The following STX18 variants were observed in gnomAD, a reference collection of about 807,000 sequenced individuals.
The protein encoded by STX18 is syntaxin-18.
Under a neutral mutation model 50.1 loss-of-function variants are expected in STX18, and 40 were observed. The ratio of observed to expected loss-of-function variants is 0.80; its 90% CI spans 0.62 to 1.04. STX18 has a LOEUF of 1.04. STX18 is among the 50% of genes least tolerant of loss of function. The pLI is 0.00. For missense variants in STX18, 410 were observed against 415.8 expected, an observed-to-expected ratio of 0.99 and a Z score of 0.12; for synonymous variants, 158 against 151.8, an observed-to-expected ratio of 1.04 and a Z score of -0.30.
At chr4:4,421,946 C>A (rs954087695) in intron 9 of STX18, among the ~76,000 whole-genome samples, 1 of 152,098 alleles carries the variant, frequency 6.6e-6, no homozygotes, top group African/African-American at 2.4e-5. Flanking sequence ...CGGTGCTAGA[C>A]GTCCTTACAA....
At chr4:4,460,385 C>T (rs952415585) in intron 2 of STX18, among the ~76,000 whole-genome samples, 3 of 152,098 alleles carry the variant, frequency 2.0e-5, no homozygotes, top group Non-Finnish European at 4.4e-5. Flanking sequence ...CCTCCTAAAC[C>T]GATTTTTCCC....
At position 4,506,887 on chromosome 4, in the gene STX18, T is replaced by C. The variant is rs368867173; in HGVS notation, c.168+34910A>G. Among the ~76,000 whole-genome samples, 339 of 152,342 alleles carry C rather than the reference T, an allele frequency of 2.2e-3. 2 individuals are homozygous for C. The Middle Eastern group carries it at 0.031, about 14-fold the overall frequency. On this transcript the variant is annotated intron_variant, in intron 1 of 10. Coordinates refer to ENST00000306200, the MANE Select transcript of STX18 (RefSeq NM_016930.4). ...GAGAGGATAAAATTCGAACCACAGT[T>C]GACCATGAGTAACTGAAACTGGAAA...
At chr4:4,500,862 C>T (rs1317175929) in intron 1 of STX18, among the ~76,000 whole-genome samples, 1 of 152,056 alleles carries the variant, frequency 6.6e-6, no homozygotes, top group Non-Finnish European at 1.5e-5. Context: ...ATGGTGAAAC[C>T]CTGTCTCTAC....
At chr4:4,518,467 C>T (rs1560206337) in intron 1 of STX18, among the ~76,000 whole-genome samples, 1 of 152,120 alleles carries the variant, frequency 6.6e-6, no homozygotes, top group Admixed American at 6.5e-5. Context: ...TGCAACAAGC[C>T]AATCTAAATG....
At chr4:4,429,521 C>T (rs900210341) in intron 7 of STX18, among the ~76,000 whole-genome samples, 6 of 152,148 alleles carry the variant, frequency 3.9e-5, no homozygotes, top group African/African-American at 1.4e-4. Flanking sequence ...GGGGACCATC[C>T]CAGAAAGCCC....
chr4:4,503,448 G>A (rs986928270), intron 1 of STX18, among the ~76,000 whole-genome samples: 1 of 152,062 alleles, frequency 6.6e-6, no homozygotes, highest in African/African-American at 2.4e-5. Context: ...ACTCAACACA[G>A]AACTCAACAT....
At chr4:4,475,006 T>C (rs1470767439) in intron 1 of STX18, among the ~76,000 whole-genome samples, 1 of 152,212 alleles carries the variant, frequency 6.6e-6, no homozygotes, top group Non-Finnish European at 1.5e-5. Flanking sequence ...CATAAAGTTT[T>C]CCATACAAAG....
intron 5 of STX18, among the ~76,000 whole-genome samples, chr4:4,453,442 CATT>C (rs1157361429): frequency 6.6e-6 from 1 of 152,302 alleles, no homozygotes; most frequent in East Asian, 1.9e-4. Context: ...CTCAGACAAA[CATT>C]AGCACTTTCA....
At chr4:4,427,712 T>G (rs1725321453) in intron 7 of STX18, among the ~76,000 whole-genome samples, 1 of 152,246 alleles carries the variant, frequency 6.6e-6, no homozygotes, top group Non-Finnish European at 1.5e-5. Flanking sequence ...CCTCCCCAAT[T>G]TGAGGGCCTG....
In STX18 at chr4:4,439,774, CCT is replaced by C. The variant is rs1259750851; in HGVS notation, c.498-1267_498-1266del. On this transcript the variant is annotated intron_variant, in intron 5 of 10. Transcript: ENST00000306200. ...CTGAGTCCTCTGCACTTGGCATTCC[CCT>C]GTTTCTTCCCCACGGGCTCTTCCCA... 5.9e-5 allele frequency among the ~76,000 whole-genome samples: 9 copies of C among 152,218 alleles called. No homozygotes were observed. The South Asian group carries it at 1.0e-3, about 18-fold the overall frequency.
In STX18 at chr4:4,498,362, C is replaced by A. The variant is rs187381141; in HGVS notation, c.169-26656G>T. Among the ~76,000 whole-genome samples the A allele has an allele frequency of 6.9e-4, 105 of 152,180 alleles. 2 individuals are homozygous for A. The highest frequency in any genetic ancestry group is 9.7e-4 in the East Asian group (5 of 5,180). On this transcript the variant is annotated intron_variant, in intron 1 of 10. Transcript: ENST00000306200. ...TAATATACCCCCCAAAATAATATTA[C>A]TGCCAATATATCAGAAAGGTGTCCC...
In STX18 at chr4:4,420,102, C is replaced by T. The variant is rs760981833; in HGVS notation, c.940G>A (p.Val314Met). 2 of 1,613,152 alleles carry T rather than the reference C, an allele frequency of 1.2e-6. No individual in the cohort carries two copies. The highest frequency in any genetic ancestry group is 1.1e-5 in the South Asian group (1 of 90,816). Residue 314 changes from valine to methionine, a missense_variant, in exon 11 of 11, where the codon GTG (valine) becomes ATG (methionine). By Grantham distance (21) the Val-to-Met change is conservative (BLOSUM62 1). Transcript: ENST00000306200. The surrounding 1 kb of genome is among the most constrained non-coding windows in gnomAD (Gnocchi z 4.3). ...ATCACGAGGAAGAAGAGGATCCACA[C>T]GCGGAAGCCAGCGTTGTTTTTAATG... ...EAIKNNAGFR[V>M]WILFFLVMCS...
At chr4:4,509,857 C>G (rs188119678) in intron 1 of STX18, among the ~76,000 whole-genome samples, 2 of 152,042 alleles carry the variant, frequency 1.3e-5, no homozygotes, top group African/African-American at 4.8e-5. Flanking sequence ...CAGGCAAATA[C>G]TTAGGGAAAA....
chr4:4,464,886 T>G (rs996460831), intron 2 of STX18, among the ~76,000 whole-genome samples: 1 of 152,188 alleles, frequency 6.6e-6, no homozygotes, highest in African/African-American at 2.4e-5. Flanking sequence ...CCTGGATTCA[T>G]TGATTTTTTC....
intron 2 of STX18, among the ~76,000 whole-genome samples, chr4:4,468,825 G>A (rs1389000605): frequency 2.0e-5 from 3 of 152,144 alleles, no homozygotes; most frequent in Admixed American, 6.6e-5. Flanking sequence ...ACTTGTAGAA[G>A]ATGCTACTCA....
intron 5 of STX18, among the ~76,000 whole-genome samples, chr4:4,444,403 G>C (rs531677295): frequency 4.6e-5 from 7 of 152,234 alleles, no homozygotes; most frequent in Non-Finnish European, 8.8e-5. Flanking sequence ...AGTTAACTAC[G>C]GCCTGCTATG....
intron 2 of STX18, among the ~76,000 whole-genome samples, chr4:4,460,843 G>A (rs1045482623): frequency 1.3e-5 from 2 of 152,108 alleles, no homozygotes; most frequent in Admixed American, 6.5e-5. Flanking sequence ...CAGCAAGCTC[G>A]ATCCCCTCTC....
chr4:4,528,734 C>G (rs1429907662), intron 1 of STX18, among the ~76,000 whole-genome samples: 1 of 152,200 alleles, frequency 6.6e-6, no homozygotes, highest in African/African-American at 2.4e-5. Context: ...TCTCAAGCAG[C>G]AGGAAGGTGC....
chr4:4,539,250 G>A (rs529740302), intron 1 of STX18, among the ~76,000 whole-genome samples: 199 of 152,286 alleles, frequency 1.3e-3, no homozygotes, highest in Middle Eastern at 0.01. Context: ...TTACCAAAAG[G>A]CATACTATAA....
Sources: gnomAD v4.1 joint callset for allele counts (sites outside exome capture counted in the v4.1 genomes callset) on GRCh38, gnomAD v4.1.1 for gene constraint, Gnocchi (gnomAD v3.1) non-coding constraint, MANE v1.5 for transcripts, NCBI Gene and HGNC (gene_info 2026-07-23, HGNC 2026-07-21) for gene names.